The following USH1C variants were observed in gnomAD, a reference collection of about 807,000 sequenced individuals.
The protein encoded by USH1C is USH1 protein network component harmonin, also known as harmonin.
A neutral mutation model predicts 119.3 loss-of-function variants in USH1C; 90 were observed. The ratio of observed to expected loss-of-function variants is 0.75; its 90% CI spans 0.64 to 0.90. The LOEUF is 0.90. USH1C is among the 40% of genes least tolerant of loss of function. The pLI, the probability that USH1C is intolerant of heterozygous loss-of-function variation, is 0.00. For synonymous variants in USH1C, 465 were observed against 443.3 expected (o/e 1.05, Z -0.62); for missense variants, 1,165 against 1,167.7 (o/e 1.00, Z 0.03).
chr11:17,531,258 G>T lies in USH1C; in HGVS notation c.283C>A (p.Pro95Thr), dbSNP rs1415557754. 3.1e-6 allele frequency: 5 copies of T among 1,614,106 alleles called. No individual in the cohort carries two copies. Among genetic ancestry groups the T allele is most frequent in the Non-Finnish European group, 4.2e-6 (5 of 1,180,040 alleles). ...CGCACACTCAGGCCGAGGCCTTCGGGGTGCAGACGGTCCAGACGCACCTCC... is the reference window on the plus strand; with the variant it reads ...CGCACACTCAGGCCGAGGCCTTCGGTGTGCAGACGGTCCAGACGCACCTCC... ...LKEVRLDRLHPEGLGLSVRGG... is the reference protein window; with the variant it reads ...LKEVRLDRLHTEGLGLSVRGG... Residue 95 changes from proline to threonine, a missense_variant, in exon 4 of 27, where the codon CCC becomes ACC. By Grantham distance (38) the Pro-to-Thr change is conservative. Transcript: ENST00000005226. This position sits in a 1 kb window ranked among gnomAD's most constrained non-coding sequence, Gnocchi z 4.2.
At chr11:17,498,061 C>A in intron 24 of USH1C, 101 bp downstream of exon 24, 3 of 1,056,362 alleles carry the variant, frequency 2.8e-6, no homozygotes, top group Non-Finnish European at 4.4e-6. Context: ...CTCCAGATGC[C>A]CACCCTGGAA....
intron 1 of USH1C, among the ~76,000 whole-genome samples, 165 bp downstream of exon 1, chr11:17,544,107 C>T (rs112110510): frequency 1.3e-5 from 2 of 152,356 alleles, no homozygotes; most frequent in African/African-American, 4.8e-5. Context: ...CCTCACTTTA[C>T]TGGGGATCCC....
At chr11:17,528,037 G>C (rs1156707263) in intron 4 of USH1C, among the ~76,000 whole-genome samples, 1 of 152,164 alleles carries the variant, frequency 6.6e-6, no homozygotes, top group East Asian at 1.9e-4. Flanking sequence ...ATATGACCTT[G>C]AGCAAGTCTC....
At chr11:17,533,402 C>A in intron 1 of USH1C, 80 bp from the exon 2 acceptor site, 1 of 1,004,938 alleles carries the variant, frequency 1.0e-6, no homozygotes, top group South Asian at 1.3e-5. Flanking sequence ...AGAGGTCATC[C>A]CCAAGGGCCT....
chr11:17,497,521 G>A (rs1226900110), intron 24 of USH1C, among the ~76,000 whole-genome samples: 2 of 152,168 alleles, frequency 1.3e-5, no homozygotes, highest in African/African-American at 2.4e-5. Context: ...CATGTTACCC[G>A]TGAGTCTTCT....
At chr11:17,501,336 A>C in intron 22 of USH1C, 146 bp downstream of exon 22, 1 of 1,108,442 alleles carries the variant, frequency 9.0e-7, no homozygotes, top group East Asian at 2.6e-5. Flanking sequence ...CCTACAACAG[A>C]GGGGCGTCTC....
chr11:17,533,369 C>CA (rs1554963815), intron 1 of USH1C, 47 bp from the exon 2 acceptor site: 5 of 1,380,780 alleles, frequency 3.6e-6, no homozygotes, highest in Admixed American at 1.7e-5. Context: ...CAGCACCCGC[C>CA]CCCATAGCAG....
chr11:17,514,076 A>G (rs1350250360), intron 15 of USH1C, among the ~76,000 whole-genome samples: 1 of 152,218 alleles, frequency 6.6e-6, no homozygotes, highest in Non-Finnish European at 1.5e-5. Flanking sequence ...GAGTGACTCA[A>G]GCAATTCTGA....
chr11:17,512,455 TA>T (rs1252307979), intron 15 of USH1C, among the ~76,000 whole-genome samples: 2 of 151,980 alleles, frequency 1.3e-5, no homozygotes, highest in African/African-American at 2.4e-5. Context: ...AAAAATAAAA[TA>T]AAAAAATAAA....
At position 17,527,242 on chromosome 11, in the gene USH1C, A is replaced by G; in HGVS notation, c.477T>C (p.Thr159=). 1.2e-6 allele frequency: 2 copies of G among 1,608,094 alleles called. No individual in the cohort carries two copies. Among genetic ancestry groups the G allele is most frequent in the Non-Finnish European group, 1.7e-6 (2 of 1,178,120 alleles). The change falls in exon 5 of 27, where the codon ACT becomes ACC. Residue 159 remains threonine (T), a synonymous_variant. Coordinates refer to ENST00000005226, the MANE Select transcript of USH1C (RefSeq NM_153676.4). ...EVINLIRTKK[T]VSIKVRHIGL... is the part of the protein sequence containing the mutation. ...ACTCACGTCTCACTTTGATGGACAC[A>G]GTTTTCTTGGTTCGAATGAGGTTGA...
intron 11 of USH1C, 124 bp downstream of exon 11, chr11:17,523,087 G>T: frequency 6.4e-7 from 1 of 1,574,768 alleles, no homozygotes; most frequent in Non-Finnish European, 8.7e-7. Context: ...AAGTCCTCTC[G>T]CTCTGCTCTG....
intron 1 of USH1C, 34 bp from the exon 2 acceptor site, chr11:17,533,356 G>T: frequency 1.3e-6 from 2 of 1,491,646 alleles, no homozygotes; most frequent in Non-Finnish European, 9.2e-7. Context: ...ACAGCTCCAG[G>T]CTCAGCACCC....
At chr11:17,521,043 C>T (rs1409155565) in intron 13 of USH1C, 49 bp from the exon 14 acceptor site, 2 of 1,611,410 alleles carry the variant, frequency 1.2e-6, no homozygotes, top group Non-Finnish European at 1.7e-6. Context: ...CCCCCATAGG[C>T]CCATCTCCTG....
intron 15 of USH1C, chr11:17,514,624 G>A (rs917987775): frequency 6.6e-6 from 1 of 152,162 alleles, no homozygotes; most frequent in African/African-American, 2.4e-5. Context: ...GTCTCTCACG[G>A]CTCTAGAAAA....
chr11:17,510,320 G>A, intron 17 of USH1C, 85 bp downstream of exon 17: 1 of 1,139,788 alleles, frequency 8.8e-7, no homozygotes. Flanking sequence ...ACGTTTGCTA[G>A]TTGTCATCTC....
At chr11:17,533,802 GC>G in intron 1 of USH1C, 1 of 456,770 alleles carries the variant, frequency 2.2e-6, no homozygotes, top group South Asian at 1.5e-5. Context: ...CTCTCCAGAA[GC>G]CCCTTACCAC....
intron 19 of USH1C, among the ~76,000 whole-genome samples, chr11:17,505,575 G>A (rs139287259): frequency 9.6e-4 from 147 of 152,336 alleles, no homozygotes; most frequent in Middle Eastern, 3.4e-3. Flanking sequence ...TTCACAGGTC[G>A]TAGCGATCAT....
At position 17,501,535 on chromosome 11, in the gene USH1C, A is replaced by T; in HGVS notation, c.2227T>A (p.Phe743Ile). Reference sequence around the variant, plus strand: ...TTCCCCATGATCTGCTCTGGGGTGAACTAGAGAGAAAAAGACAGTGGGAAG... The same window carrying T: ...TTCCCCATGATCTGCTCTGGGGTGATCTAGAGAGAAAAAGACAGTGGGAAG... ...YEEGFDPYSMFTPEQIMGKDV... is the reference protein window; with the variant it reads ...YEEGFDPYSMITPEQIMGKDV... Residue 743 changes from phenylalanine (F) to isoleucine (I), a missense_variant and splice_region_variant, in exon 22 of 27, where the codon TTC (phenylalanine) becomes ATC (isoleucine). Phe to Ile is a conservative substitution (Grantham distance 21, BLOSUM62 0). Coordinates refer to ENST00000005226, the MANE Select transcript of USH1C (RefSeq NM_153676.4). The T allele has an allele frequency of 6.2e-7, 1 of 1,612,016 alleles. No homozygotes were observed. The highest frequency in any genetic ancestry group is 8.5e-7 in the Non-Finnish European group (1 of 1,179,022).
chr11:17,498,094 T>C, intron 24 of USH1C, 68 bp downstream of exon 24: 1 of 1,462,128 alleles, frequency 6.8e-7, no homozygotes, highest in Non-Finnish European at 9.6e-7. Flanking sequence ...TTGTGAGACC[T>C]GGCTGCAGAG....
Sources: gnomAD v4.1 joint callset for allele counts (sites outside exome capture counted in the v4.1 genomes callset) on GRCh38, gnomAD v4.1.1 for gene constraint, Gnocchi (gnomAD v3.1) non-coding constraint, MANE v1.5 for transcripts, NCBI Gene and HGNC (gene_info 2026-07-23, HGNC 2026-07-21) for gene names.